The following P3H2 variants were observed in gnomAD, a reference collection of about 807,000 sequenced individuals.
P3H2 encodes prolyl 3-hydroxylase 2.
P3H2 carries 80 observed loss-of-function variants against 87.0 expected under a neutral mutation model. That is an observed-to-expected ratio of 0.92 (90% CI 0.77 to 1.11). The LOEUF is 1.11. P3H2 is among the 50% of genes least tolerant of loss of function. The pLI, the probability that P3H2 is intolerant of heterozygous loss-of-function variation, is 0.00. For missense variants in P3H2, 1,001 were observed against 923.9 expected, an observed-to-expected ratio of 1.08 and a Z score of -1.08; for synonymous variants, 367 against 359.3, an observed-to-expected ratio of 1.02 and a Z score of -0.24.
Position 189,982,881 on chromosome 3 carries a change from C to CT in P3H2, c.1324+164dup, listed in dbSNP as rs150665547. Among the ~76,000 whole-genome samples the CT allele has an allele frequency of 8.8e-5, 13 of 148,316 alleles. No individual in the cohort carries two copies. The South Asian group carries it at 1.1e-3, about 12-fold the overall frequency. ...ATGGTAATAATACACAAATCTAAGACTTTTTTTTTTAAGTCTTGCTTTCAG... is the reference window on the plus strand; with the variant it reads ...ATGGTAATAATACACAAATCTAAGACTTTTTTTTTTTAAGTCTTGCTTTCAG... On this transcript the variant is annotated intron_variant, in intron 8 of 14. Coordinates refer to ENST00000319332, the MANE Select transcript of P3H2 (RefSeq NM_018192.4).
intron 8 of P3H2, among the ~76,000 whole-genome samples, chr3:189,982,732 A>T (rs893064689): frequency 1.3e-5 from 2 of 152,230 alleles, no homozygotes; most frequent in African/African-American, 4.8e-5. Flanking sequence ...AACAGAAGTA[A>T]ACCATAGGAA....
At chr3:190,029,098 T>C (rs1190424547) in intron 1 of P3H2, among the ~76,000 whole-genome samples, 1 of 152,226 alleles carries the variant, frequency 6.6e-6, no homozygotes, top group Non-Finnish European at 1.5e-5. Flanking sequence ...CCTGAGGTTC[T>C]TAAGACAATA....
intron 1 of P3H2, among the ~76,000 whole-genome samples, chr3:190,057,540 C>A (rs909814534): frequency 6.6e-6 from 1 of 152,160 alleles, no homozygotes; most frequent in Admixed American, 6.5e-5. Context: ...TCCCACATCA[C>A]TCCTCCACCT....
At chr3:190,106,158 TA>T (rs999897244) in intron 1 of P3H2, among the ~76,000 whole-genome samples, 1 of 151,892 alleles carries the variant, frequency 6.6e-6, no homozygotes, top group Non-Finnish European at 1.5e-5. Flanking sequence ...AGAGTCCATT[TA>T]AAAAAAATAC....
In P3H2 at chr3:189,957,395, C is replaced by T. The variant is rs188557298; in HGVS notation, c.*517G>A. The T allele has an allele frequency of 1.5e-5, 6 of 393,550 alleles. No individual in the cohort carries two copies. The highest frequency in any genetic ancestry group is 1.8e-5 in the Non-Finnish European group (4 of 224,020). 24.4% of individuals were successfully genotyped at this position (393,550 alleles called of 1,614,324 possible). On this transcript the variant is annotated 3_prime_UTR_variant, in exon 15 of 15. Transcript: ENST00000319332. ...ACACGTGAGAGTTGTAGTTTCACCA[C>T]CAAGAAGCTTATTCTCTCTAAGCTT...
rs190084493 is a variant in P3H2, at chr3:189,995,276, C to G, written c.633+14G>C. On this transcript the variant is annotated intron_variant, in intron 2 of 14. Transcript: ENST00000319332. ...TAGCTCCCTGTGGTGAGGGCAGGGG[C>G]CCACAGAGCTTACCATGTGTGGCTT... 2.8e-3 allele frequency: 4,544 copies of G among 1,613,596 alleles called. 9 individuals are homozygous for G. The highest frequency in any genetic ancestry group is 3.4e-3 in the Non-Finnish European group (4,061 of 1,179,636).
rs1202716732 is a variant in P3H2, at chr3:190,041,037, TACACAC to T, written c.481-45601_481-45596del. Among the ~76,000 whole-genome samples, 452 of 49,314 alleles carry T rather than the reference TACACAC, an allele frequency of 9.2e-3. 32 individuals carry two copies. Among genetic ancestry groups the T allele is most frequent in the African/African-American group, 0.016 (278 of 17,234 alleles). 32.4% of individuals were successfully genotyped at this position (49,314 alleles called of 152,430 possible). A position where few individuals can be genotyped will look rare whatever the true frequency, so the allele number is the denominator to read the frequency against. On this transcript the variant is annotated intron_variant, in intron 1 of 14. Transcript: ENST00000319332. The stretch of plus-strand genomic sequence containing the variant: ...TGGCTCTACTATATATATATATATA[TACACAC>T]ACACACACACACACACACACACACA...
chr3:189,988,410 T>A (rs1052843806), intron 4 of P3H2, among the ~76,000 whole-genome samples: 1 of 152,040 alleles, frequency 6.6e-6, no homozygotes, highest in East Asian at 1.9e-4. Context: ...TGTGTGCATG[T>A]ATGTGTGTAT....
At chr3:190,102,628 G>C (rs1234179071) in intron 1 of P3H2, among the ~76,000 whole-genome samples, 2 of 152,112 alleles carry the variant, frequency 1.3e-5, no homozygotes, top group African/African-American at 4.8e-5. Flanking sequence ...TCTTGATGTG[G>C]AAACTACTCC....
chr3:190,081,406 A>T (rs569899185), intron 1 of P3H2, among the ~76,000 whole-genome samples: 1 of 152,340 alleles, frequency 6.6e-6, no homozygotes, highest in African/African-American at 2.4e-5. Flanking sequence ...GATTATTTTT[A>T]AAAAGGCTTT....
intron 1 of P3H2, among the ~76,000 whole-genome samples, chr3:190,005,865 C>A (rs1255745696): frequency 6.6e-6 from 1 of 152,186 alleles, no homozygotes; most frequent in Non-Finnish European, 1.5e-5. Context: ...ATGGGTACTC[C>A]TAACCTGACA....
chr3:190,113,928 A>T (rs1712171706), intron 1 of P3H2, among the ~76,000 whole-genome samples: 1 of 151,510 alleles, frequency 6.6e-6, no homozygotes. Context: ...ATACAAAAAG[A>T]AATTAGCCGG....
chr3:190,005,770 G>A (rs1724369307), intron 1 of P3H2, among the ~76,000 whole-genome samples: 1 of 152,176 alleles, frequency 6.6e-6, no homozygotes, highest in Non-Finnish European at 1.5e-5. Context: ...AAGCCAAGGG[G>A]AATTTTATTC....
intron 1 of P3H2, among the ~76,000 whole-genome samples, chr3:190,041,917 T>A (rs914768007): frequency 9.2e-5 from 14 of 152,088 alleles, no homozygotes; most frequent in African/African-American, 3.4e-4. Context: ...ACTTACCCAG[T>A]TTGTTTATTT....
rs187174010 is a variant in P3H2 at position 190,055,471 on chromosome 3, A to C, written c.481-60029T>G. Among the ~76,000 whole-genome samples, 1,035 of 152,150 alleles carry C rather than the reference A, an allele frequency of 6.8e-3. 14 individuals are homozygous for C. The highest frequency in any genetic ancestry group is 7.7e-3 in the Non-Finnish European group (523 of 67,988). ...AATTCATTATAACAAGAATCTTTAG[A>C]TATTAAACAAAATGTGAAAAAAAAA... On this transcript the variant is annotated intron_variant, in intron 1 of 14. Coordinates refer to ENST00000319332, the MANE Select transcript of P3H2 (RefSeq NM_018192.4).
intron 1 of P3H2, among the ~76,000 whole-genome samples, chr3:190,033,206 C>T (rs192283501): frequency 1.2e-4 from 19 of 152,328 alleles, no homozygotes; most frequent in African/African-American, 4.1e-4. Context: ...TAAATACAGT[C>T]GCTTGCTCAC....
intron 1 of P3H2, among the ~76,000 whole-genome samples, chr3:190,103,428 CTT>C: frequency 6.6e-6 from 1 of 152,306 alleles, no homozygotes; most frequent in African/African-American, 2.4e-5. Flanking sequence ...TACTTAGAAA[CTT>C]TTTTTCCCTA....
chr3:189,984,575 A>T lies in P3H2; in HGVS notation c.1204T>A (p.Tyr402Asn). Reference sequence around the variant, plus strand: ...CGATTCTCATCCTGTCGTCCTCCATATCTGATCCAATAATTCTGTTTTGAA... The same window carrying T: ...CGATTCTCATCCTGTCGTCCTCCATTTCTGATCCAATAATTCTGTTTTGAA... Reference protein sequence around the residue: ...SYTEPNYWIRYGGRQDENRVP... With the variant: ...SYTEPNYWIRNGGRQDENRVP... Residue 402 changes from tyrosine to asparagine, a missense_variant, in exon 7 of 15, where the codon TAT becomes AAT. Tyr to Asn is a moderately radical substitution (Grantham distance 143, BLOSUM62 -2). Coordinates refer to ENST00000319332, the MANE Select transcript of P3H2 (RefSeq NM_018192.4). The T allele has an allele frequency of 1.2e-6, 2 of 1,608,348 alleles. No individual in the cohort carries two copies. Among genetic ancestry groups the T allele is most frequent in the Non-Finnish European group, 1.7e-6 (2 of 1,177,866 alleles).
intron 14 of P3H2, among the ~76,000 whole-genome samples, chr3:189,961,611 A>G (rs751810644): frequency 2.6e-5 from 4 of 152,096 alleles, no homozygotes; most frequent in Non-Finnish European, 5.9e-5. Flanking sequence ...CCTGAAACAC[A>G]GATGTTAGTA....
Sources: allele counts gnomAD v4.1 joint callset (sites outside exome capture counted in the v4.1 genomes callset), GRCh38; gene constraint gnomAD v4.1.1; transcripts MANE v1.5; gene names NCBI Gene and HGNC (gene_info 2026-07-23, HGNC 2026-07-21).